The following TRANK1 variants were observed in gnomAD, a reference collection of about 807,000 sequenced individuals.
The protein encoded by TRANK1 is TPR and ankyrin repeat-containing protein 1.
Under a neutral mutation model 266.0 loss-of-function variants are expected in TRANK1, and 198 were observed. The observed-to-expected ratio is 0.74, with a 90% confidence interval of 0.66 to 0.84. The LOEUF (loss-of-function observed/expected upper bound fraction) is 0.84. TRANK1 is among the 40% of genes least tolerant of loss of function. The pLI is 0.00. For missense variants in TRANK1, 3,326 were observed against 3,634.6 expected (o/e 0.92, Z 2.18); for synonymous variants, 1,396 against 1,384.1 (o/e 1.01, Z -0.19).
At chr3:36,898,994 T>G in intron 4 of TRANK1, 115 bp downstream of exon 4, 1 of 1,168,610 alleles carries the variant, frequency 8.6e-7, no homozygotes, top group Non-Finnish European at 1.2e-6. Flanking sequence ...TTAAACTGCA[T>G]AAATCAGCCA....
At chr3:36,844,428 T>C (rs2078888636) in intron 17 of TRANK1, among the ~76,000 whole-genome samples, 1 of 152,170 alleles carries the variant, frequency 6.6e-6, no homozygotes, top group Non-Finnish European at 1.5e-5. Flanking sequence ...GGTTTCACCA[T>C]GTTGGTCAGG....
In TRANK1 at chr3:36,838,686, C is replaced by T; in HGVS notation, c.5311G>A (p.Ala1771Thr). Residue 1771 changes from alanine (A) to threonine (T), a missense_variant, in exon 19 of 24, where the codon GCA becomes ACA. By Grantham distance (58) the Ala-to-Thr change is moderately conservative. Coordinates refer to ENST00000645898, the MANE Select transcript of TRANK1 (RefSeq NM_001329998.2). ...AGGGCCAACTTCTCCTTCTCAAATGCACCTCCTTTCTGGTAACACTTGGCT... is the reference window on the plus strand; with the variant it reads ...AGGGCCAACTTCTCCTTCTCAAATGTACCTCCTTTCTGGTAACACTTGGCT... ...VAAKCYQKGG[A>T]FEKEKLALAH... 3 of 1,613,722 alleles carry T rather than the reference C, an allele frequency of 1.9e-6. No individual in the cohort carries two copies. The highest frequency in any genetic ancestry group is 3.3e-5 in the Admixed American group (2 of 60,004).
intron 13 of TRANK1, 40 bp from the exon 14 acceptor site, chr3:36,852,385 C>T: frequency 1.3e-6 from 2 of 1,503,458 alleles, no homozygotes; most frequent in Non-Finnish European, 1.8e-6. Context: ...TAATTAACAA[C>T]ATGGCTGAGT....
chr3:36,921,937 T>G (rs2080219787), intron 1 of TRANK1, among the ~76,000 whole-genome samples: 1 of 152,096 alleles, frequency 6.6e-6, no homozygotes, highest in African/African-American at 2.4e-5. Context: ...AGCTTAGGAA[T>G]TCCATACCAA....
intron 1 of TRANK1, among the ~76,000 whole-genome samples, chr3:36,914,788 C>T (rs1022727901): frequency 1.3e-5 from 2 of 151,966 alleles, no homozygotes; most frequent in African/African-American, 4.8e-5. Flanking sequence ...CAGGTGCCCA[C>T]CACCATGCCC....
At chr3:36,871,063 A>G (rs1314596687) in intron 9 of TRANK1, among the ~76,000 whole-genome samples, 1 of 151,928 alleles carries the variant, frequency 6.6e-6, no homozygotes, top group Non-Finnish European at 1.5e-5. Context: ...CATGCACAGT[A>G]TTCTAAGAAC....
intron 1 of TRANK1, among the ~76,000 whole-genome samples, chr3:36,935,612 A>G (rs370637097): frequency 1.3e-5 from 2 of 151,856 alleles, no homozygotes; most frequent in South Asian, 2.1e-4. Context: ...CACCACACTC[A>G]GCTATTTTTG....
At chr3:36,927,844 T>G (rs1441828969) in intron 1 of TRANK1, among the ~76,000 whole-genome samples, 1 of 152,174 alleles carries the variant, frequency 6.6e-6, no homozygotes. Flanking sequence ...TTCCCCAAAT[T>G]TTGGAGTGCC....
chr3:36,834,536 GC>G (rs2078741077), intron 21 of TRANK1: 2 of 476,014 alleles, frequency 4.2e-6, no homozygotes, highest in Non-Finnish European at 7.3e-6. Context: ...ATCCCCCTCA[GC>G]CCCCTCTCTT....
In TRANK1 at chr3:36,932,756, G is replaced by A. The variant is rs943060100; in HGVS notation, c.23+12031C>T. On this transcript the variant is annotated intron_variant, in intron 1 of 23. Transcript: ENST00000645898. The stretch of plus-strand genomic sequence containing the variant: ...GATTTCTGACTTAACAAACTAATAA[G>A]AGCAGTGATCTTTGGGGAGCAGATC... Among the ~76,000 whole-genome samples, 15 of 152,288 alleles carry A rather than the reference G, an allele frequency of 9.8e-5. No individual in the cohort carries two copies. The South Asian group carries it at 3.1e-3, about 32-fold the overall frequency.
chr3:36,933,784 G>T lies in TRANK1; in HGVS notation c.23+11003C>A, dbSNP rs1263252721. Among the ~76,000 whole-genome samples the T allele has an allele frequency of 8.5e-5, 13 of 152,234 alleles. 1 individual carries two copies. The highest frequency in any genetic ancestry group is 1.9e-4 in the Non-Finnish European group (13 of 68,040). ...AATATTTGGTAAAAACATAGCCCTA[G>T]TATTTGTCTGTTTTTCAAAGGGGTT... is the stretch of plus-strand genomic sequence containing the variant. On this transcript the variant is annotated intron_variant, in intron 1 of 23. Transcript: ENST00000645898.
intron 14 of TRANK1, 44 bp from the exon 15 acceptor site, chr3:36,851,900 C>A: frequency 6.5e-7 from 1 of 1,544,010 alleles, no homozygotes; most frequent in Non-Finnish European, 8.7e-7. Context: ...GAGAAAACCC[C>A]AGTAAGCCTC....
intron 9 of TRANK1, among the ~76,000 whole-genome samples, chr3:36,865,923 T>C (rs1419772876): frequency 6.8e-6 from 1 of 146,408 alleles, no homozygotes; most frequent in Non-Finnish European, 1.5e-5. Flanking sequence ...AGCAAGACCC[T>C]GTCTCAAAAG....
At position 36,854,766 on chromosome 3, in the gene TRANK1, C is replaced by CT. The variant is rs1343903547; in HGVS notation, c.4549+406dup. Among the ~76,000 whole-genome samples, 964 of 147,462 alleles carry CT rather than the reference C, an allele frequency of 6.5e-3. 9 individuals are homozygous for CT. Among genetic ancestry groups the CT allele is most frequent in the African/African-American group, 0.017 (702 of 40,450 alleles). ...TAACTCCCACTGCCTACCACCCTCC[C>CT]TTTTTTTTTTTTCCTTCTCTTTGGG... On this transcript the variant is annotated intron_variant, in intron 13 of 23. Transcript: ENST00000645898.
chr3:36,847,951 T>C (rs2078937340), intron 15 of TRANK1, among the ~76,000 whole-genome samples: 1 of 152,240 alleles, frequency 6.6e-6, no homozygotes, highest in Non-Finnish European at 1.5e-5. Flanking sequence ...AGATAATCAG[T>C]GTCAAATGTC....
chr3:36,856,980 G>T lies in TRANK1; in HGVS notation c.2742C>A (p.Asn914Lys). The T allele has an allele frequency of 6.2e-7, 1 of 1,613,876 alleles. No individual in the cohort carries two copies. The highest frequency in any genetic ancestry group is 8.5e-7 in the Non-Finnish European group (1 of 1,179,864). The change falls in exon 13 of 24, where the codon AAC (asparagine) becomes AAA (lysine). Residue 914 changes from asparagine (N) to lysine (K), a missense_variant. Transcript: ENST00000645898. ...GCTCCGTGGCAATGATCTTCTCAGG[G>T]TTCTCACTGCATCGAGGGGAGAAGT... is the stretch of plus-strand genomic sequence containing the variant. ...AIDFSPRCSE[N>K]PEKIIATEQN...
intron 20 of TRANK1, among the ~76,000 whole-genome samples, chr3:36,835,280 C>G (rs923043876): frequency 1.6e-5 from 2 of 128,680 alleles, no homozygotes; most frequent in Non-Finnish European, 3.1e-5. Context: ...GATCCCGCCA[C>G]TGCACTCCAG....
intron 6 of TRANK1, among the ~76,000 whole-genome samples, 183 bp downstream of exon 6, chr3:36,892,718 T>C (rs778702687): frequency 6.6e-6 from 1 of 151,898 alleles, no homozygotes; most frequent in Non-Finnish European, 1.5e-5. Context: ...TAATCCCAGC[T>C]ATTCGGGAGG....
Position 36,832,715 on chromosome 3 carries a change from T to G in TRANK1, c.6868A>C (p.Lys2290Gln). Residue 2290 changes from lysine (K) to glutamine (Q), a missense_variant, in exon 22 of 24, where the codon AAA becomes CAA. By Grantham distance (53) the Lys-to-Gln change is moderately conservative. Transcript: ENST00000645898. ...RVLSENPMAC[K>Q]EILKPNYKSF... ...TTGTAATTTGGTTTGAGGATTTCTT[T>G]GCATGCCATGGGGTTTTCTGACAAC... is the stretch of plus-strand genomic sequence containing the variant. 1 of 1,614,050 alleles carries G rather than the reference T, an allele frequency of 6.2e-7. No individual in the cohort carries two copies. The highest frequency in any genetic ancestry group is 8.5e-7 in the Non-Finnish European group (1 of 1,179,898).
Sources: allele counts gnomAD v4.1 joint callset (sites outside exome capture counted in the v4.1 genomes callset), GRCh38; gene constraint gnomAD v4.1.1; transcripts MANE v1.5; gene names NCBI Gene and HGNC (gene_info 2026-07-23, HGNC 2026-07-21).